Variants in REDIC1 observed in about 807,000 individuals in gnomAD.
REDIC1 encodes the protein regulator of DNA class I crossover intermediates 1.
the REDIC1 span, among the ~76,000 whole-genome samples, chr12:39,856,144 A>C: frequency 6.6e-6 from 1 of 152,200 alleles, no homozygotes; most frequent in Non-Finnish European, 1.5e-5. Flanking sequence ...CATATACCTA[A>C]GTTCCAGGAT....
chr12:39,767,742 T>C, the REDIC1 span, among the ~76,000 whole-genome samples: 46 of 152,112 alleles, frequency 3.0e-4, 1 homozygote, highest in Admixed American at 2.8e-3. Context: ...TGGGAGGTAA[T>C]TGAATCACGG....
the REDIC1 span, among the ~76,000 whole-genome samples, chr12:39,892,272 G>T: frequency 6.6e-6 from 1 of 152,174 alleles, no homozygotes; most frequent in Admixed American, 6.5e-5. Flanking sequence ...AAGCTGGCAA[G>T]GCCACCTTTC....
chr12:39,646,942 C>G, the REDIC1 span: 8 of 1,173,782 alleles, frequency 6.8e-6, no homozygotes, highest in Non-Finnish European at 9.7e-6. Context: ...GATATGCTAC[C>G]TAATGATCTA....
At chr12:39,822,015 C>A in the REDIC1 span, among the ~76,000 whole-genome samples, 1 of 151,756 alleles carries the variant, frequency 6.6e-6, no homozygotes, top group Non-Finnish European at 1.5e-5. Context: ...GTGCGCTGCA[C>A]ACACTAACTC....
At chr12:39,764,970 A>G in the REDIC1 span, 1 of 1,238,508 alleles carries the variant, frequency 8.1e-7, no homozygotes, top group Non-Finnish European at 1.1e-6. Flanking sequence ...TAAGAGTCCA[A>G]AATGTTTTTC....
chr12:39,850,492 G>A, the REDIC1 span, among the ~76,000 whole-genome samples: 1 of 152,028 alleles, frequency 6.6e-6, no homozygotes, highest in South Asian at 2.1e-4. Flanking sequence ...AGGATGCTTA[G>A]GTTTCTGAAT....
At chr12:39,842,290 A>C in the REDIC1 span, among the ~76,000 whole-genome samples, 94,791 of 152,004 alleles carry the variant, frequency 0.62, 29,732 homozygotes, top group East Asian at 0.77. Flanking sequence ...TATCCTGGTG[A>C]AGTATGCAGG....
At chr12:39,891,816 T>C in the REDIC1 span, among the ~76,000 whole-genome samples, 27 of 152,186 alleles carry the variant, frequency 1.8e-4, no homozygotes, top group African/African-American at 6.5e-4. Flanking sequence ...CTACAGTCTT[T>C]TCCAGGCATT....
At chr12:39,772,464 A>C in the REDIC1 span, among the ~76,000 whole-genome samples, 329 of 152,274 alleles carry the variant, frequency 2.2e-3, 8 homozygotes, top group East Asian at 0.055. Flanking sequence ...GTAGAGATAA[A>C]TGTTCCTTGA....
At chr12:39,869,366 C>G in the REDIC1 span, among the ~76,000 whole-genome samples, 1 of 152,194 alleles carries the variant, frequency 6.6e-6, no homozygotes, top group African/African-American at 2.4e-5. Flanking sequence ...GCACCATTTA[C>G]TATGTGTACA....
At chr12:39,790,394 C>T in the REDIC1 span, among the ~76,000 whole-genome samples, 3 of 136,942 alleles carry the variant, frequency 2.2e-5, no homozygotes, top group African/African-American at 8.2e-5. Flanking sequence ...CCACAGTCCC[C>T]AGAGTGTGAT....
chr12:39,835,140 T>C, the REDIC1 span, among the ~76,000 whole-genome samples: 40 of 152,220 alleles, frequency 2.6e-4, no homozygotes, highest in African/African-American at 9.6e-4. Flanking sequence ...TTTCTTTTGG[T>C]CTATTTTGGT....
chr12:39,854,303 C>CA, the REDIC1 span, among the ~76,000 whole-genome samples: 1 of 151,870 alleles, frequency 6.6e-6, no homozygotes, highest in Admixed American at 6.6e-5. Context: ...AGGTAATATT[C>CA]AAAAAGAATA....
At chr12:39,895,649 C>T in the REDIC1 span, among the ~76,000 whole-genome samples, 379 of 15,196 alleles carry the variant, frequency 0.025, 69 homozygotes, top group African/African-American at 0.04. Context: ...TGCGTGTATA[C>T]GTACACACAT....
the REDIC1 span, chr12:39,764,669 T>A: frequency 6.3e-7 from 1 of 1,581,658 alleles, no homozygotes; most frequent in Admixed American, 1.9e-5. Context: ...ATTTGAAAAA[T>A]TATAGTTTAT....
the REDIC1 span, among the ~76,000 whole-genome samples, chr12:39,887,779 G>T: frequency 6.6e-6 from 1 of 152,128 alleles, no homozygotes; most frequent in African/African-American, 2.4e-5. Context: ...GGCAAGGAAG[G>T]AATAGAAGTG....
the REDIC1 span, among the ~76,000 whole-genome samples, chr12:39,796,912 G>A: frequency 6.6e-5 from 10 of 152,266 alleles, no homozygotes; most frequent in Admixed American, 3.3e-4. Context: ...AAGTGAAGCT[G>A]CTTATTAAAG....
the REDIC1 span, among the ~76,000 whole-genome samples, chr12:39,711,750 CAT>C: frequency 8.4e-3 from 895 of 107,078 alleles, 51 homozygotes; most frequent in African/African-American, 0.018. Flanking sequence ...TGTGTATACA[CAT>C]GCATGTGTAT....
chr12:39,692,123 C>T, the REDIC1 span: 2 of 1,532,186 alleles, frequency 1.3e-6, no homozygotes, highest in South Asian at 2.5e-5. Context: ...GTCAGTATAA[C>T]TGTATAAGTT....
Sources: gnomAD v4.1 joint callset for allele counts (sites outside exome capture counted in the v4.1 genomes callset) on GRCh38, gnomAD v4.1.1 for gene constraint, MANE v1.5 for transcripts, NCBI Gene and HGNC (gene_info 2026-07-23, HGNC 2026-07-21) for gene names.